The following PDCD7 variants were observed in gnomAD, a reference collection of about 807,000 sequenced individuals.
The protein encoded by PDCD7 is programmed cell death 7.
PDCD7 carries 40 observed loss-of-function variants against 42.1 expected under a neutral mutation model. The observed-to-expected ratio is 0.95, with a 90% CI of 0.74 to 1.24. The LOEUF is 1.24. Among genes scored for constraint, PDCD7 ranks in the 50% most tolerant of loss-of-function variants. PDCD7 has a pLI of 0.00. For missense variants in PDCD7, 644 were observed against 662.8 expected, an observed-to-expected ratio of 0.97 and a Z score of 0.31; for synonymous variants, 299 against 303.3, an observed-to-expected ratio of 0.99 and a Z score of 0.15.
intron 3 of PDCD7, 84 bp downstream of exon 3, chr15:65,119,634 C>T: frequency 7.0e-7 from 1 of 1,436,636 alleles, no homozygotes; most frequent in Admixed American, 1.9e-5. Context: ...TGTTGCCTAC[C>T]ACCTCTTAGC....
chr15:65,133,060 C>G lies in PDCD7; in HGVS notation c.722G>C (p.Arg241Thr), dbSNP rs778123753. 1.3e-6 allele frequency: 2 copies of G among 1,584,696 alleles called. No individual in the cohort carries two copies. The highest frequency in any genetic ancestry group is 2.2e-5 in the South Asian group (2 of 89,304). The part of the protein sequence containing the change: ...YVGEARRRLE[R>T]VRRRRLRLRE... ...AAGCCGCAGCCGGCGGCGCCGGACC[C>G]TCTCCAGCCTCCTCCGCGCCTCGCC... The change falls in exon 1 of 5, where the codon AGG becomes ACG. Residue 241 changes from arginine (R) to threonine (T), a missense_variant. By Grantham distance (71) the Arg-to-Thr change is moderately conservative. Transcript: ENST00000204549.
intron 2 of PDCD7, among the ~76,000 whole-genome samples, chr15:65,122,351 T>TA (rs964295581): frequency 4.7e-5 from 7 of 148,426 alleles, no homozygotes; most frequent in South Asian, 2.1e-4. Flanking sequence ...AAAATAAATT[T>TA]AAAAAAAAAG....
intron 2 of PDCD7, among the ~76,000 whole-genome samples, chr15:65,124,710 T>A (rs2087482381): frequency 1.3e-5 from 2 of 152,250 alleles, no homozygotes; most frequent in African/African-American, 4.8e-5. Context: ...TATAGTACTT[T>A]TACTTCCTTC....
intron 1 of PDCD7, among the ~76,000 whole-genome samples, chr15:65,131,823 G>A (rs1270735572): frequency 6.6e-6 from 1 of 152,100 alleles, no homozygotes; most frequent in East Asian, 1.9e-4. Context: ...CCTGCTTAAA[G>A]AGTCTGAGAT....
Position 65,133,244 on chromosome 15 carries a change from G to A in PDCD7, c.538C>T (p.Arg180Trp). The A allele has an allele frequency of 7.4e-7, 1 of 1,355,906 alleles. No individual in the cohort carries two copies. The highest frequency in any genetic ancestry group is 1.8e-5 in the South Asian group (1 of 54,336). The allele number at this position is 1,355,906 out of a possible 1,614,324, so 84.0% of individuals were successfully genotyped here. A position where few individuals can be genotyped will look rare whatever the true frequency, so the allele number is the denominator to read the frequency against. The change falls in exon 1 of 5, where the codon CGG becomes TGG. Residue 180 changes from arginine (R) to tryptophan (W), a missense_variant. Physicochemically the swap from Arg to Trp is moderately radical, Grantham distance 101. Transcript: ENST00000204549. ...SLGEVRARLLRALRLVRRLRG... is the reference protein window; with the variant it reads ...SLGEVRARLLWALRLVRRLRG... Reference sequence around the variant, plus strand: ...AGCCGCCGCACCAGGCGCAGAGCCCGGAGCAATCGCGCGCGCACTTCGCCA... The same window carrying A: ...AGCCGCCGCACCAGGCGCAGAGCCCAGAGCAATCGCGCGCGCACTTCGCCA...
At chr15:65,128,967 G>A (rs2087517537) in intron 2 of PDCD7, 65 bp downstream of exon 2, 1 of 1,547,590 alleles carries the variant, frequency 6.5e-7, no homozygotes, top group Non-Finnish European at 8.8e-7. Flanking sequence ...ATAATATTTG[G>A]GGTGGGAGGA....
Position 65,133,090 on chromosome 15 carries a change from T to G in PDCD7, c.692A>C (p.Tyr231Ser). 1 of 1,563,954 alleles carries G rather than the reference T, an allele frequency of 6.4e-7. No homozygotes were observed. Among genetic ancestry groups the G allele is most frequent in the Non-Finnish European group, 8.6e-7 (1 of 1,161,808 alleles). ...ERLQPLTQAA[Y>S]VGEARRRLER... ...CAGCCTCCTCCGCGCCTCGCCCACA[T>G]AGGCAGCCTGGGTCAACGGCTGTAG... The change falls in exon 1 of 5, where the codon TAT (tyrosine) becomes TCT (serine). Residue 231 changes from tyrosine (Y) to serine (S), a missense_variant. Transcript: ENST00000204549.
chr15:65,130,224 C>T (rs2140586067), intron 1 of PDCD7, among the ~76,000 whole-genome samples: 2 of 137,318 alleles, frequency 1.5e-5, no homozygotes, highest in South Asian at 4.7e-4. Flanking sequence ...ATGGCGCGAT[C>T]TCGGCTTACT....
At chr15:65,132,049 T>C (rs1208730074) in intron 1 of PDCD7, among the ~76,000 whole-genome samples, 1 of 150,472 alleles carries the variant, frequency 6.6e-6, no homozygotes, top group Non-Finnish European at 1.5e-5. Context: ...GATACATACA[T>C]ATATATACAC....
chr15:65,123,167 T>C (rs2087470653), intron 2 of PDCD7, among the ~76,000 whole-genome samples: 1 of 152,232 alleles, frequency 6.6e-6, no homozygotes. Flanking sequence ...CTTCAATGAA[T>C]GAATGATTTT....
In PDCD7 at chr15:65,118,957, G is replaced by A; in HGVS notation, c.1335-117C>T. The A allele has an allele frequency of 1.4e-5, 9 of 654,100 alleles. No homozygotes were observed. The Middle Eastern group carries it at 3.7e-3, about 269-fold the overall frequency. 40.5% of individuals were successfully genotyped at this position (654,100 alleles called of 1,614,324 possible). On this transcript the variant is annotated intron_variant, in intron 4 of 4. Coordinates refer to ENST00000204549, the MANE Select transcript of PDCD7 (RefSeq NM_005707.2). ...ATGACTGATATACTAATCTATTACA[G>A]AACTTGATTTCTAGGAATCAAGAAA...
rs531630407 is a variant in PDCD7, at chr15:65,123,250, C to T, written c.1010-3296G>A. 8.5e-5 allele frequency among the ~76,000 whole-genome samples: 13 copies of T among 152,280 alleles called. No homozygotes were observed. The South Asian group carries it at 2.3e-3, about 27-fold the overall frequency. On this transcript the variant is annotated intron_variant, in intron 2 of 4. Transcript: ENST00000204549. ...GTCACCAGGCTGGAGTACAGTGGCG[C>T]GATCTCACCTCACTGTAACCTCTGA... is the stretch of plus-strand genomic sequence containing the variant.
In PDCD7 at chr15:65,133,262, C is replaced by G; in HGVS notation, c.520G>C (p.Val174Leu). ...RTHAGPSLGE[V>L]RARLLRALRL... The stretch of plus-strand genomic sequence containing the variant: ...AGAGCCCGGAGCAATCGCGCGCGCA[C>G]TTCGCCAAGGCTGGGCCCGGCATGC... The change falls in exon 1 of 5, where the codon GTG (valine) becomes CTG (leucine). Residue 174 changes from valine (V) to leucine (L), a missense_variant. Transcript: ENST00000204549. The G allele has an allele frequency of 7.5e-7, 1 of 1,339,714 alleles. No homozygotes were observed. Among genetic ancestry groups the G allele is most frequent in the Non-Finnish European group, 9.5e-7 (1 of 1,052,992 alleles). The allele number at this position is 1,339,714 out of a possible 1,614,324, so 83.0% of individuals were successfully genotyped here.
At position 65,133,271 on chromosome 15, in the gene PDCD7, G is replaced by C; in HGVS notation, c.511C>G (p.Leu171Val). The change falls in exon 1 of 5, where the codon CTT becomes GTT. Residue 171 changes from leucine (L) to valine (V), a missense_variant. Coordinates refer to ENST00000204549, the MANE Select transcript of PDCD7 (RefSeq NM_005707.2). Reference protein sequence around the residue: ...VPQRTHAGPSLGEVRARLLRA... With the variant: ...VPQRTHAGPSVGEVRARLLRA... The stretch of plus-strand genomic sequence containing the variant: ...AGCAATCGCGCGCGCACTTCGCCAA[G>C]GCTGGGCCCGGCATGCGTGCGCTGG... The C allele has an allele frequency of 7.5e-7, 1 of 1,328,156 alleles. No homozygotes were observed. 82.3% of individuals were successfully genotyped at this position (1,328,156 alleles called of 1,614,324 possible).
chr15:65,129,454 G>A (rs1251172283), intron 1 of PDCD7, among the ~76,000 whole-genome samples: 1 of 152,186 alleles, frequency 6.6e-6, no homozygotes, highest in Non-Finnish European at 1.5e-5. Flanking sequence ...TCAAAGTGTA[G>A]TGCAGAGATC....
intron 1 of PDCD7, among the ~76,000 whole-genome samples, chr15:65,131,858 T>C (rs1225079066): frequency 6.6e-6 from 1 of 152,058 alleles, no homozygotes; most frequent in African/African-American, 2.4e-5. Context: ...ATTAGACAAC[T>C]TGGGATCAAA....
At chr15:65,125,900 G>A (rs2087491986) in intron 2 of PDCD7, among the ~76,000 whole-genome samples, 1 of 152,286 alleles carries the variant, frequency 6.6e-6, no homozygotes, top group East Asian at 1.9e-4. Flanking sequence ...CATGGCGGAA[G>A]GTGAAGGAGG....
chr15:65,121,193 G>T (rs569319480), intron 2 of PDCD7, among the ~76,000 whole-genome samples: 1 of 151,922 alleles, frequency 6.6e-6, no homozygotes, highest in South Asian at 2.1e-4. Context: ...GAGTAGCTGG[G>T]ATTACAGGCA....
At chr15:65,126,891 T>G (rs202042267) in intron 2 of PDCD7, among the ~76,000 whole-genome samples, 1 of 152,196 alleles carries the variant, frequency 6.6e-6, no homozygotes, top group South Asian at 2.1e-4. Flanking sequence ...TATATGTACA[T>G]GGGTATATAC....
Sources: gnomAD v4.1 joint callset for allele counts (sites outside exome capture counted in the v4.1 genomes callset) on GRCh38, gnomAD v4.1.1 for gene constraint, MANE v1.5 for transcripts, NCBI Gene and HGNC (gene_info 2026-07-23, HGNC 2026-07-21) for gene names.